The following ATF2 variants were observed in gnomAD, a reference collection of about 807,000 sequenced individuals.
ATF2 encodes the protein cyclic AMP-dependent transcription factor ATF-2.
In ATF2, 24 loss-of-function variants were observed where a neutral mutation model predicts 60.6. The observed-to-expected ratio is 0.40, with a 90% CI of 0.29 to 0.56. The LOEUF is 0.56. Among genes scored for constraint, ATF2 ranks in the 20% least tolerant of loss-of-function variants. ATF2 has a pLI of 0.54. For missense variants in ATF2, 433 were observed against 607.7 expected, an observed-to-expected ratio of 0.71 and a Z score of 3.02; for synonymous variants, 206 against 215.4, an observed-to-expected ratio of 0.96 and a Z score of 0.38.
At chr2:175,166,287 T>C (rs940716608) in intron 1 of ATF2, among the ~76,000 whole-genome samples, 1 of 152,212 alleles carries the variant, frequency 6.6e-6, no homozygotes, top group Non-Finnish European at 1.5e-5. Context: ...AAAGCAAGAT[T>C]AAACGTCTTA....
chr2:175,119,470 C>A lies in ATF2; in HGVS notation c.200-1101G>T, dbSNP rs183774098. Among the ~76,000 whole-genome samples the A allele has an allele frequency of 1.5e-3, 232 of 151,592 alleles. 1 individual carries two copies. Among genetic ancestry groups the A allele is most frequent in the African/African-American group, 5.4e-3 (222 of 41,472 alleles). On this transcript the variant is annotated intron_variant, in intron 5 of 13. Transcript: ENST00000264110. The stretch of plus-strand genomic sequence containing the variant: ...TACTTCCTATTTTACCTTTGCCCCC[C>A]ACATGTATACCTAGAGGACTAGTAT...
At chr2:175,157,474 A>G (rs577632600) in intron 1 of ATF2, among the ~76,000 whole-genome samples, 1 of 152,310 alleles carries the variant, frequency 6.6e-6, no homozygotes, top group Non-Finnish European at 1.5e-5. Flanking sequence ...TCTCTACAGG[A>G]ACCCAAGTGG....
At chr2:175,141,024 A>ATATATATATAT (rs1698485531) in intron 2 of ATF2, among the ~76,000 whole-genome samples, 1 of 103,490 alleles carries the variant, frequency 9.7e-6, no homozygotes, top group African/African-American at 4.6e-5. Context: ...AAAAAAAAAA[A>ATATATATATAT]AAAAAAATAT....
intron 2 of ATF2, among the ~76,000 whole-genome samples, chr2:175,140,877 GT>G (rs1251469998): frequency 6.7e-6 from 1 of 148,434 alleles, no homozygotes; most frequent in Non-Finnish European, 1.5e-5. Flanking sequence ...TGTGCGTGTA[GT>G]CCTAGCTGCT....
At chr2:175,132,296 A>G (rs1697789320) in intron 3 of ATF2, among the ~76,000 whole-genome samples, 1 of 152,230 alleles carries the variant, frequency 6.6e-6, no homozygotes, top group South Asian at 2.1e-4. Context: ...CGTAAATCTC[A>G]GGGAGAAAGC....
At chr2:175,102,508 A>G (rs1695376514) in intron 10 of ATF2, among the ~76,000 whole-genome samples, 1 of 152,182 alleles carries the variant, frequency 6.6e-6, no homozygotes, top group South Asian at 2.1e-4. Context: ...GTGATGGCTT[A>G]TGCCTGTAAT....
intron 12 of ATF2, among the ~76,000 whole-genome samples, chr2:175,090,820 A>G (rs756772814): frequency 1.1e-4 from 16 of 152,166 alleles, no homozygotes; most frequent in Admixed American, 1.3e-4. Context: ...TTCTACCCAA[A>G]TTAGGAAGTA....
rs369500705 is a variant in ATF2 at position 175,144,761 on chromosome 2, CAG to C, written c.-44+6297_-44+6298del. Among the ~76,000 whole-genome samples, 56 of 152,280 alleles carry C rather than the reference CAG, an allele frequency of 3.7e-4. 1 individual carries two copies. Among genetic ancestry groups the C allele is most frequent in the African/African-American group, 1.2e-3 (50 of 41,560 alleles). Reference sequence around the variant, plus strand: ...AGAAGGATAAGAAAAGAAGGGAAGGCAGCCTGATGTGAGCTGTCAATGCCCAA... The same window carrying C: ...AGAAGGATAAGAAAAGAAGGGAAGGCCCTGATGTGAGCTGTCAATGCCCAA... On this transcript the variant is annotated intron_variant, in intron 2 of 13. Coordinates refer to ENST00000264110, the MANE Select transcript of ATF2 (RefSeq NM_001880.4).
intron 12 of ATF2, among the ~76,000 whole-genome samples, chr2:175,083,914 G>A (rs1153688): frequency 0.26 from 39,680 of 151,970 alleles, 6,167 homozygotes; most frequent in African/African-American, 0.44. Context: ...ACTGGCCATC[G>A]GAGAAATGCA....
Position 175,114,200 on chromosome 2 carries a change from A to G in ATF2, c.627-92T>C. On this transcript the variant is annotated intron_variant, in intron 8 of 13. Coordinates refer to ENST00000264110, the MANE Select transcript of ATF2 (RefSeq NM_001880.4). The stretch of plus-strand genomic sequence containing the variant: ...ATAGTATTTTTACTCCTATAATCAT[A>G]TCATTTAAAAATACATTTTCTAACC... 2.8e-6 allele frequency: 4 copies of G among 1,435,034 alleles called. No individual in the cohort carries two copies. The South Asian group carries it at 6.0e-5, about 22-fold the overall frequency. The allele number at this position is 1,435,034 out of a possible 1,614,324, so 88.9% of individuals were successfully genotyped here. A position where few individuals can be genotyped will look rare whatever the true frequency, so the allele number is the denominator to read the frequency against.
chr2:175,158,857 C>T (rs1483016532), intron 1 of ATF2, among the ~76,000 whole-genome samples: 1 of 152,024 alleles, frequency 6.6e-6, no homozygotes, highest in African/African-American at 2.4e-5. Context: ...GTAAAATACA[C>T]AGAATAGTGC....
intron 10 of ATF2, among the ~76,000 whole-genome samples, chr2:175,104,832 A>T (rs1441388136): frequency 6.6e-6 from 1 of 151,708 alleles, no homozygotes; most frequent in Non-Finnish European, 1.5e-5. Flanking sequence ...GTATAATCTA[A>T]TCTAACTTGC....
intron 1 of ATF2, among the ~76,000 whole-genome samples, chr2:175,158,273 G>A (rs1699808986): frequency 1.5e-5 from 2 of 132,158 alleles, no homozygotes; most frequent in South Asian, 2.4e-4. Context: ...GTCTTGCTCT[G>A]TAAGTACAGT....
intron 10 of ATF2, among the ~76,000 whole-genome samples, chr2:175,108,126 G>A (rs1357215512): frequency 3.8e-4 from 57 of 150,578 alleles, no homozygotes; most frequent in African/African-American, 1.3e-3. Context: ...AGTGAGGAGC[G>A]TCTCTGCCCA....
intron 12 of ATF2, among the ~76,000 whole-genome samples, chr2:175,089,171 ACT>A (rs1694371926): frequency 6.9e-6 from 1 of 145,592 alleles, no homozygotes; most frequent in Non-Finnish European, 1.5e-5. Context: ...TAAGAGCAAA[ACT>A]CTGTCTCCAA....
chr2:175,139,788 C>G (rs1698382008), intron 2 of ATF2, among the ~76,000 whole-genome samples: 1 of 151,894 alleles, frequency 6.6e-6, no homozygotes, highest in South Asian at 2.1e-4. Flanking sequence ...TTTGGGTAAC[C>G]TAAAGTTCAA....
chr2:175,079,854 A>G (rs1559045236), intron 13 of ATF2, among the ~76,000 whole-genome samples: 2 of 152,176 alleles, frequency 1.3e-5, no homozygotes, highest in Non-Finnish European at 2.9e-5. Flanking sequence ...ACTAAATCAT[A>G]AAGACTAAAA....
intron 9 of ATF2, 73 bp from the exon 10 acceptor site, chr2:175,111,727 T>C (rs894914402): frequency 1.6e-6 from 2 of 1,285,836 alleles, no homozygotes; most frequent in Admixed American, 1.9e-5. Context: ...ACTGCTGTTG[T>C]AATAATTTGA....
At chr2:175,106,277 T>A (rs564718511) in intron 10 of ATF2, among the ~76,000 whole-genome samples, 1 of 152,266 alleles carries the variant, frequency 6.6e-6, no homozygotes, top group South Asian at 2.1e-4. Context: ...ACGCCTGTAA[T>A]CACAGCACTT....
Sources: gnomAD v4.1 joint callset for allele counts (sites outside exome capture counted in the v4.1 genomes callset) on GRCh38, gnomAD v4.1.1 for gene constraint, MANE v1.5 for transcripts, NCBI Gene and HGNC (gene_info 2026-07-23, HGNC 2026-07-21) for gene names.